ACTR5: variants seen among roughly 807,000 people sequenced by gnomAD.
ACTR5 encodes actin-related protein 5.
Under a neutral mutation model 61.2 loss-of-function variants are expected in ACTR5, and 43 were observed. The observed-to-expected ratio is 0.70, with a 90% CI of 0.55 to 0.91. The LOEUF is 0.91. Ranked by LOEUF, ACTR5 falls within the 40% of genes least tolerant of loss-of-function variation. ACTR5 has a pLI of 0.00. For missense variants in ACTR5, 798 were observed against 782.2 expected (o/e 1.02, Z -0.24); for synonymous variants, 333 against 310.5 (o/e 1.07, Z -0.76).
rs35062786 is a variant in ACTR5, at chr20:38,750,048, G to A, written c.414G>A (p.Val138=). 1.0e-3 allele frequency: 1,660 copies of A among 1,614,140 alleles called. 17 individuals are homozygous for A. The African/African-American group carries it at 0.02, about 19-fold the overall frequency. The change falls in exon 2 of 9, where the codon GTG becomes GTA. Residue 138 remains valine (V), a synonymous_variant. Transcript: ENST00000243903. ...ATCCCATAGTTTTGACAGAAGCTGT[G>A]TGCAACCCACTGTATTCACGGCAAA... ...VDHPIVLTEA[V]CNPLYSRQMM...
rs1257205553 is a variant in ACTR5, at chr20:38,754,940, A to C, written c.776-17A>C. ...TAGTGTTTCCATTTCATAACTTTCA[A>C]AATTGTTTCTTTGAAGAATTACACA... On this transcript the variant is annotated splice_polypyrimidine_tract_variant and intron_variant, in intron 3 of 8. Coordinates refer to ENST00000243903, the MANE Select transcript of ACTR5 (RefSeq NM_024855.4). 6 of 1,612,170 alleles carry C rather than the reference A, an allele frequency of 3.7e-6. No individual in the cohort carries two copies. Among genetic ancestry groups the C allele is most frequent in the Non-Finnish European group, 5.1e-6 (6 of 1,178,786 alleles).
intron 1 of ACTR5, among the ~76,000 whole-genome samples, chr20:38,749,271 T>C (rs750439536): frequency 5.3e-5 from 8 of 152,184 alleles, no homozygotes; most frequent in Non-Finnish European, 1.2e-4. Flanking sequence ...GGGAGTTACA[T>C]TTTTTCAGTA....
At chr20:38,755,735 G>A in intron 4 of ACTR5, 122 bp from the exon 5 acceptor site, 1 of 955,140 alleles carries the variant, frequency 1.0e-6, no homozygotes, top group South Asian at 1.4e-5. Context: ...ACTGGAGGCA[G>A]CTGGAGGCGT....
At position 38,755,115 on chromosome 20, in the gene ACTR5, C is replaced by A; in HGVS notation, c.934C>A (p.Arg312=). 1 of 1,614,002 alleles carries A rather than the reference C, an allele frequency of 6.2e-7. No homozygotes were observed. The highest frequency in any genetic ancestry group is 1.1e-5 in the South Asian group (1 of 91,050). The part of the protein sequence containing the change: ...LRRLQELNAR[R]REEKLQLDQE... Reference sequence around the variant, plus strand: ...GCGGCTGCAGGAGCTCAATGCCCGGCGGCGGGAGGAGAAGCTGCAGCTGGA... The same window carrying A: ...GCGGCTGCAGGAGCTCAATGCCCGGAGGCGGGAGGAGAAGCTGCAGCTGGA... The change falls in exon 4 of 9, where the codon CGG becomes AGG. Residue 312 remains arginine, a synonymous_variant. Transcript: ENST00000243903.
chr20:38,761,974 C>T lies in ACTR5; in HGVS notation c.1177-3428C>T, dbSNP rs6124011. The T allele has an allele frequency of 2.6e-5, 4 of 152,138 alleles. No individual in the cohort carries two copies. The East Asian group carries it at 5.8e-4, about 22-fold the overall frequency. The allele number at this position is 152,138 out of a possible 1,614,324, so 9.4% of individuals were successfully genotyped here. Reference sequence around the variant, plus strand: ...CTGGGACTTTCTGCACTCCTGCCCCCCTGGAGCATATTTAACTTTTCTATT... The same window carrying T: ...CTGGGACTTTCTGCACTCCTGCCCCTCTGGAGCATATTTAACTTTTCTATT... On this transcript the variant is annotated intron_variant, in intron 5 of 8. Transcript: ENST00000243903.
chr20:38,752,895 G>GC (rs1448746940), intron 3 of ACTR5, among the ~76,000 whole-genome samples: 7 of 151,956 alleles, frequency 4.6e-5, no homozygotes, highest in Admixed American at 3.9e-4. Context: ...CCAATAATGA[G>GC]CTCCTGAAGG....
Position 38,762,224 on chromosome 20 carries a change from G to C in ACTR5, c.1177-3178G>C, listed in dbSNP as rs1240444103. ...GGGAGGACTCAAGGTCTGGGTTCAT[G>C]GGGGACTCTTGACCCAGGCACCCAC... On this transcript the variant is annotated intron_variant, in intron 5 of 8. Coordinates refer to ENST00000243903, the MANE Select transcript of ACTR5 (RefSeq NM_024855.4). Among the ~76,000 whole-genome samples the C allele has an allele frequency of 2.0e-5, 3 of 152,178 alleles. No homozygotes were observed. The South Asian group carries it at 6.2e-4, about 32-fold the overall frequency.
Position 38,771,785 on chromosome 20 carries a change from C to T in ACTR5, c.1793C>T (p.Ala598Val). Residue 598 changes from alanine to valine, a missense_variant, in exon 9 of 9, where the codon GCT (alanine) becomes GTT (valine). By Grantham distance (64) the Ala-to-Val change is moderately conservative (BLOSUM62 0). Transcript: ENST00000243903. ...CAGGCATCCAGCAAGGGCTCCGCTG[C>T]TGGTGGAGGTGGTGCTGGTGAGCAG... The part of the protein sequence containing the change: ...DAQASSKGSA[A>V]GGGGAGEQA 4.3e-6 allele frequency: 7 copies of T among 1,613,250 alleles called. No homozygotes were observed. The highest frequency in any genetic ancestry group is 5.9e-6 in the Non-Finnish European group (7 of 1,179,860).
chr20:38,755,894 A>G lies in ACTR5; in HGVS notation c.1031A>G (p.Lys344Arg). ...LEDGQMDQFH[K>R]ALIELNMDSP... ...GATGGCCAGATGGATCAGTTTCACAAAGCTCTGATAGAGCTGAATATGGAC... is the reference window on the plus strand; with the variant it reads ...GATGGCCAGATGGATCAGTTTCACAGAGCTCTGATAGAGCTGAATATGGAC... The change falls in exon 5 of 9, where the codon AAA becomes AGA. Residue 344 changes from lysine to arginine, a missense_variant. Coordinates refer to ENST00000243903, the MANE Select transcript of ACTR5 (RefSeq NM_024855.4). The G allele has an allele frequency of 6.2e-7, 1 of 1,614,186 alleles. No homozygotes were observed. The highest frequency in any genetic ancestry group is 8.5e-7 in the Non-Finnish European group (1 of 1,180,032).
chr20:38,767,729 T>A, intron 8 of ACTR5, 133 bp downstream of exon 8: 4 of 1,023,090 alleles, frequency 3.9e-6, no homozygotes, highest in East Asian at 2.6e-5. Context: ...AGTCCATGCT[T>A]AATTTTTAAA....
chr20:38,748,674 GC>G lies in ACTR5; in HGVS notation c.199del (p.Arg67AlafsTer66). ...EPRLQFRAVC[A>X]RGRGGARGAS... Reference sequence around the variant, plus strand: ...GCGCCTGCAGTTCCGCGCGGTGTGCGCCCGCGGTCGTGGCGGGGCACGGGGC... The same window carrying G: ...GCGCCTGCAGTTCCGCGCGGTGTGCGCCGCGGTCGTGGCGGGGCACGGGGC... On this transcript the variant is annotated frameshift_variant, in exon 1 of 9. Transcript: ENST00000243903. LOFTEE classifies it high-confidence loss of function. 6.6e-7 allele frequency: 1 copy of G among 1,519,088 alleles called. No individual in the cohort carries two copies. Among genetic ancestry groups the G allele is most frequent in the East Asian group, 2.6e-5 (1 of 38,188 alleles). The allele number at this position is 1,519,088 out of a possible 1,614,324, so 94.1% of individuals were successfully genotyped here.
intron 5 of ACTR5, 83 bp from the exon 6 acceptor site, chr20:38,765,319 C>T: frequency 1.1e-6 from 1 of 947,536 alleles, no homozygotes; most frequent in East Asian, 2.4e-5. Context: ...GGCAAGATCC[C>T]AGTTCTTTTT....
chr20:38,765,136 C>A (rs930434587), intron 5 of ACTR5, among the ~76,000 whole-genome samples: 1 of 152,090 alleles, frequency 6.6e-6, no homozygotes, highest in Admixed American at 6.5e-5. Flanking sequence ...TGAGCTGGCA[C>A]CATCAGAAGG....
At chr20:38,755,495 T>C (rs948387505) in intron 4 of ACTR5, among the ~76,000 whole-genome samples, 1 of 152,116 alleles carries the variant, frequency 6.6e-6, no homozygotes, top group African/African-American at 2.4e-5. Context: ...AACTCACCCG[T>C]GTATCTGCTG....
intron 5 of ACTR5, among the ~76,000 whole-genome samples, chr20:38,758,122 C>T (rs901859249): frequency 1.3e-5 from 2 of 152,018 alleles, no homozygotes; most frequent in African/African-American, 4.8e-5. Context: ...AACCAAACAG[C>T]TGTGAAGATG....
chr20:38,759,212 C>T (rs1278928491), intron 5 of ACTR5, among the ~76,000 whole-genome samples: 5 of 152,226 alleles, frequency 3.3e-5, no homozygotes, highest in Admixed American at 2.0e-4. Context: ...TCAGGGTTGG[C>T]CTCTGCTTCT....
chr20:38,768,541 G>A (rs1329597577), intron 8 of ACTR5, among the ~76,000 whole-genome samples: 3 of 152,200 alleles, frequency 2.0e-5, no homozygotes, highest in Non-Finnish European at 4.4e-5. Context: ...AGCACATTAA[G>A]TGTTGCCAAC....
Position 38,765,466 on chromosome 20 carries a change from C to G in ACTR5, c.1241C>G (p.Pro414Arg), listed in dbSNP as rs748139042. The G allele has an allele frequency of 6.2e-7, 1 of 1,614,134 alleles. No homozygotes were observed. The highest frequency in any genetic ancestry group is 1.3e-5 in the African/African-American group (1 of 75,028). The change falls in exon 6 of 9, where the codon CCC (proline) becomes CGC (arginine). Residue 414 changes from proline to arginine, a missense_variant. Coordinates refer to ENST00000243903, the MANE Select transcript of ACTR5 (RefSeq NM_024855.4). ...GTGGAAAGCATGAATGATTTTGATC[C>G]CTTGTTTTCAGAGGAAACACCTGGA... ...EDVESMNDFD[P>R]LFSEETPGVE... is the part of the protein sequence containing the mutation.
In ACTR5 at chr20:38,750,097, T is replaced by C. The variant is rs138974036; in HGVS notation, c.463T>C (p.Cys155Arg). 6.2e-7 allele frequency: 1 copy of C among 1,614,186 alleles called. No individual in the cohort carries two copies. Among genetic ancestry groups the C allele is most frequent in the Non-Finnish European group, 8.5e-7 (1 of 1,180,020 alleles). ...RQMMSELLFECYGIPKVAYGI... is the reference protein window; with the variant it reads ...RQMMSELLFERYGIPKVAYGI... ...AATGATGTCTGAGCTTCTTTTTGAG[T>C]GCTACGGGATTCCCAAGGTTGCCTA... is the stretch of plus-strand genomic sequence containing the variant. The change falls in exon 2 of 9, where the codon TGC (cysteine) becomes CGC (arginine). Residue 155 changes from cysteine (C) to arginine (R), a missense_variant. Cys to Arg is a radical substitution (Grantham distance 180, BLOSUM62 -3). Transcript: ENST00000243903.
Sources: allele counts gnomAD v4.1 joint callset (sites outside exome capture counted in the v4.1 genomes callset), GRCh38; gene constraint gnomAD v4.1.1; transcripts MANE v1.5; gene names NCBI Gene and HGNC (gene_info 2026-07-23, HGNC 2026-07-21).